The following MME variants were observed in gnomAD, a reference collection of about 807,000 sequenced individuals.
MME encodes the protein membrane metalloendopeptidase, also known as neprilysin.
MME carries 98 observed loss-of-function variants against 113.2 expected under a neutral mutation model. The ratio of observed to expected loss-of-function variants is 0.87; its 90% CI spans 0.74 to 1.02. MME has a LOEUF of 1.02. MME is among the 50% of genes least tolerant of loss of function. The pLI, the probability that MME is intolerant of heterozygous loss-of-function variation, is 0.00. For synonymous variants in MME, 292 were observed against 300.6 expected, an observed-to-expected ratio of 0.97 and a Z score of 0.30; for missense variants, 836 against 896.0, an observed-to-expected ratio of 0.93 and a Z score of 0.86.
At chr3:155,049,791 A>T (rs1272329020) in intron 1 of MME, among the ~76,000 whole-genome samples, 3 of 152,136 alleles carry the variant, frequency 2.0e-5, no homozygotes, top group Non-Finnish European at 4.4e-5. Context: ...AATTCTCATT[A>T]TAAGGTGACA....
chr3:155,128,568 A>T (rs557649288), intron 8 of MME, among the ~76,000 whole-genome samples: 2 of 152,210 alleles, frequency 1.3e-5, no homozygotes, highest in Admixed American at 6.5e-5. Context: ...GCTTTTATAT[A>T]TGCTTTTCCC....
At chr3:155,035,369 G>A (rs920509751) in intron 1 of MME, among the ~76,000 whole-genome samples, 1 of 150,342 alleles carries the variant, frequency 6.7e-6, no homozygotes. Flanking sequence ...TGTATTAAGT[G>A]CATCATTCCA....
At chr3:155,030,853 T>G (rs1712947084) in intron 1 of MME, among the ~76,000 whole-genome samples, 1 of 152,094 alleles carries the variant, frequency 6.6e-6, no homozygotes, top group Admixed American at 6.5e-5. Flanking sequence ...GCCCCACAGA[T>G]GGAGAGACCG....
rs1473964417 is a variant in MME, at chr3:155,098,448, C to T, written c.196+13354C>T. On this transcript the variant is annotated intron_variant, in intron 3 of 22. Coordinates refer to ENST00000360490, the MANE Select transcript of MME (RefSeq NM_007289.4). ...GTGCCCGCCTGTAGTCCCAGCTACT[C>T]GGGAGGCTGAGGCAGGAGTATCACT... is the stretch of plus-strand genomic sequence containing the variant. 3.6e-4 allele frequency among the ~76,000 whole-genome samples: 55 copies of T among 151,726 alleles called. 1 individual carries two copies. Among genetic ancestry groups the T allele is most frequent in the Admixed American group, 1.7e-3 (26 of 15,258 alleles).
At chr3:155,102,805 C>A (rs1717367795) in intron 3 of MME, among the ~76,000 whole-genome samples, 1 of 152,158 alleles carries the variant, frequency 6.6e-6, no homozygotes, top group Non-Finnish European at 1.5e-5. Flanking sequence ...TCTGCTCCCA[C>A]CAGTCAACAA....
Position 155,145,634 on chromosome 3 carries a change from TATA to T in MME, c.1416+1182_1416+1184del, listed in dbSNP as rs1721444963. On this transcript the variant is annotated intron_variant, in intron 14 of 22. Transcript: ENST00000360490. ...AAATTAATTTCCCATCCTGGATATT[TATA>T]ATAACTTATGATTCTAACCTTATAA... Among the ~76,000 whole-genome samples the T allele has an allele frequency of 2.0e-5, 3 of 152,166 alleles. No individual in the cohort carries two copies. In the South Asian group the frequency reaches 6.2e-4, roughly 31 times the overall value.
intron 1 of MME, among the ~76,000 whole-genome samples, chr3:155,063,259 AAT>A (rs1266829864): frequency 2.9e-5 from 3 of 105,154 alleles, no homozygotes; most frequent in African/African-American, 4.0e-5. Context: ...ATATACATAT[AAT>A]GTATATTATT....
intron 3 of MME, among the ~76,000 whole-genome samples, chr3:155,106,591 C>T (rs993799732): frequency 1.3e-5 from 2 of 152,090 alleles, no homozygotes; most frequent in Admixed American, 6.5e-5. Context: ...CTTTGTGACC[C>T]GTTGTGATTA....
chr3:155,148,549 G>T lies in MME; in HGVS notation c.1498-1G>T, dbSNP rs1467339413. 1 of 1,584,694 alleles carries T rather than the reference G, an allele frequency of 6.3e-7. No individual in the cohort carries two copies. Among genetic ancestry groups the T allele is most frequent in the East Asian group, 2.2e-5 (1 of 44,598 alleles). On this transcript the variant is annotated splice_acceptor_variant, in intron 15 of 22. Transcript: ENST00000360490. LOFTEE classifies it high-confidence loss of function. ...CTTCCCAAATCTTCTTTATAATACA[G>T]TTGAACTACAAAGAAGATGAATACT...
chr3:155,043,071 C>A (rs570251338), intron 1 of MME, among the ~76,000 whole-genome samples: 3 of 147,578 alleles, frequency 2.0e-5, no homozygotes, highest in South Asian at 2.1e-4. Context: ...TGCTTAGAGT[C>A]TTTTTATGGT....
intron 8 of MME, among the ~76,000 whole-genome samples, chr3:155,123,303 T>G (rs1219307631): frequency 1.0e-5 from 1 of 95,574 alleles, no homozygotes; most frequent in African/African-American, 4.0e-5. Context: ...ATTTTGAGCC[T>G]ATGTGTGTCT....
chr3:155,036,378 GT>G (rs1011921910), intron 1 of MME, among the ~76,000 whole-genome samples: 1 of 152,086 alleles, frequency 6.6e-6, no homozygotes, highest in East Asian at 1.9e-4. Flanking sequence ...AAGATATAGA[GT>G]TTTTTTTATT....
Position 155,180,601 on chromosome 3 carries a change from A to G in MME, c.*142A>G. On this transcript the variant is annotated 3_prime_UTR_variant, in exon 23 of 23. Transcript: ENST00000360490. Reference sequence around the variant, plus strand: ...AACAGAGAGGGCACCATCACAATACAGATAACATTAGGTTGTCCTAGAAAG... The same window carrying G: ...AACAGAGAGGGCACCATCACAATACGGATAACATTAGGTTGTCCTAGAAAG... The G allele has an allele frequency of 1.4e-6, 1 of 716,420 alleles. No homozygotes were observed. The highest frequency in any genetic ancestry group is 1.5e-5 in the South Asian group (1 of 67,674). The allele number at this position is 716,420 out of a possible 1,614,324, so 44.4% of individuals were successfully genotyped here.
At chr3:155,053,891 G>T (rs1174677733) in intron 1 of MME, among the ~76,000 whole-genome samples, 2 of 152,204 alleles carry the variant, frequency 1.3e-5, no homozygotes, top group Non-Finnish European at 2.9e-5. Flanking sequence ...TTCAGACCTT[G>T]AGCTGAATGC....
chr3:155,070,270 A>T (rs1483748799), intron 1 of MME, among the ~76,000 whole-genome samples: 2 of 152,226 alleles, frequency 1.3e-5, no homozygotes, highest in Non-Finnish European at 2.9e-5. Context: ...ATCCTAAATC[A>T]CTATACTTGA....
At chr3:155,106,851 A>C (rs1245865512) in intron 3 of MME, among the ~76,000 whole-genome samples, 1 of 152,228 alleles carries the variant, frequency 6.6e-6, no homozygotes, top group Non-Finnish European at 1.5e-5. Context: ...ACAAAAGAGC[A>C]TTTGCTCCTG....
intron 1 of MME, among the ~76,000 whole-genome samples, chr3:155,047,624 T>G (rs1282800839): frequency 2.0e-5 from 3 of 152,214 alleles, no homozygotes; most frequent in African/African-American, 7.2e-5. Flanking sequence ...CTTAGTTATA[T>G]TAGCTGCATT....
intron 1 of MME, among the ~76,000 whole-genome samples, chr3:155,064,396 G>C (rs964546431): frequency 6.6e-6 from 1 of 152,078 alleles, no homozygotes; most frequent in East Asian, 1.9e-4. Context: ...AAGAGAAGAC[G>C]GCCATGCAGC....
chr3:155,152,213 A>T (rs960403815), intron 16 of MME, among the ~76,000 whole-genome samples: 1 of 152,094 alleles, frequency 6.6e-6, no homozygotes, highest in Admixed American at 6.6e-5. Context: ...CTTACCCTGG[A>T]CCACCCTTTA....
Sources: allele counts gnomAD v4.1 joint callset (sites outside exome capture counted in the v4.1 genomes callset), GRCh38; gene constraint gnomAD v4.1.1; transcripts MANE v1.5; gene names NCBI Gene and HGNC (gene_info 2026-07-23, HGNC 2026-07-21).